LYPD6: variants seen among roughly 807,000 people sequenced by gnomAD.
The protein encoded by LYPD6 is ly6/PLAUR domain-containing protein 6.
In LYPD6, 15 loss-of-function variants were observed where a neutral mutation model predicts 22.7. The ratio of observed to expected loss-of-function variants is 0.66; its 90% CI spans 0.44 to 1.02. The LOEUF (loss-of-function observed/expected upper bound fraction) is 1.02, where lower values mean the gene tolerates loss of function less well. Ranked by LOEUF, LYPD6 falls within the 50% of genes least tolerant of loss-of-function variation. The probability of loss-of-function intolerance (pLI) is 0.00; values close to 1 mark genes in which losing one functional copy is unlikely to be tolerated. For missense variants in LYPD6, 189 were observed against 208.4 expected (o/e 0.91, Z 0.57); for synonymous variants, 72 against 77.5 (o/e 0.93, Z 0.37).
chr2:149,421,855 A>G (rs565296482), intron 1 of LYPD6, among the ~76,000 whole-genome samples: 11 of 152,144 alleles, frequency 7.2e-5, no homozygotes, highest in Non-Finnish European at 1.5e-4. Flanking sequence ...ATAGGAGAAA[A>G]CACTTTTCAA....
intron 3 of LYPD6, among the ~76,000 whole-genome samples, chr2:149,468,404 T>C (rs1253034918): frequency 6.6e-6 from 1 of 152,148 alleles, no homozygotes; most frequent in East Asian, 1.9e-4. Context: ...AACCATTGTG[T>C]CTTGGTTTAT....
intron 1 of LYPD6, among the ~76,000 whole-genome samples, chr2:149,383,767 C>T (rs1328278853): frequency 6.6e-6 from 1 of 152,086 alleles, no homozygotes; most frequent in Non-Finnish European, 1.5e-5. Context: ...GGATGATTTC[C>T]TAGTAACTGA....
chr2:149,462,471 A>C (rs1397948474), intron 3 of LYPD6, among the ~76,000 whole-genome samples: 1 of 151,974 alleles, frequency 6.6e-6, no homozygotes. Context: ...AACATAGTAA[A>C]ATGTCAGTTC....
intron 2 of LYPD6, among the ~76,000 whole-genome samples, chr2:149,443,833 T>G (rs1279875766): frequency 6.6e-6 from 1 of 152,096 alleles, no homozygotes; most frequent in Admixed American, 6.6e-5. Context: ...GTTATGCAAA[T>G]TTTTTGGTCT....
chr2:149,356,667 A>T (rs1276255168), intron 1 of LYPD6, among the ~76,000 whole-genome samples: 1 of 152,160 alleles, frequency 6.6e-6, no homozygotes, highest in African/African-American at 2.4e-5. Context: ...ACTTTTTGGC[A>T]TGCAGGAGGA....
At chr2:149,422,659 T>C (rs1683105897) in intron 1 of LYPD6, among the ~76,000 whole-genome samples, 1 of 152,194 alleles carries the variant, frequency 6.6e-6, no homozygotes, top group Non-Finnish European at 1.5e-5. Flanking sequence ...TGATACACTG[T>C]TATTAACTCT....
chr2:149,366,438 A>T (rs1681667518), intron 1 of LYPD6, among the ~76,000 whole-genome samples: 1 of 152,182 alleles, frequency 6.6e-6, no homozygotes, highest in Non-Finnish European at 1.5e-5. Context: ...AAAGAATGTA[A>T]ATGAGCGAGA....
At chr2:149,435,651 C>A (rs1187356573) in intron 1 of LYPD6, among the ~76,000 whole-genome samples, 1 of 152,236 alleles carries the variant, frequency 6.6e-6, no homozygotes, top group Non-Finnish European at 1.5e-5. Flanking sequence ...GGGAAAGATA[C>A]TGGTGGATAC....
chr2:149,360,335 C>T (rs1681547582), intron 1 of LYPD6, among the ~76,000 whole-genome samples: 2 of 152,124 alleles, frequency 1.3e-5, no homozygotes, highest in Admixed American at 6.6e-5. Flanking sequence ...ACTAAGAATG[C>T]CTTAATCTCC....
chr2:149,480,837 A>G, the LYPD6 span, among the ~76,000 whole-genome samples: 2 of 152,174 alleles, frequency 1.3e-5, no homozygotes, highest in Non-Finnish European at 2.9e-5. Flanking sequence ...GGCAGCCCCT[A>G]CATGCAGTCA....
In LYPD6 at chr2:149,468,986, A is replaced by G. The variant is rs73964449; in HGVS notation, c.348+211A>G. 5.1e-3 allele frequency among the ~76,000 whole-genome samples: 778 copies of G among 152,356 alleles called. 7 individuals are homozygous for G. Among genetic ancestry groups the G allele is most frequent in the African/African-American group, 0.017 (720 of 41,590 alleles). On this transcript the variant is annotated intron_variant, in intron 4 of 4. Transcript: ENST00000334166. The stretch of plus-strand genomic sequence containing the variant: ...AGGACAACTGATATAAATTGTGTAA[A>G]CACACATGAAGAGGGTGTTCAGTGT...
intron 1 of LYPD6, among the ~76,000 whole-genome samples, chr2:149,404,362 T>A (rs1573776979): frequency 6.6e-6 from 1 of 152,234 alleles, no homozygotes; most frequent in African/African-American, 2.4e-5. Flanking sequence ...TTCCTACCCA[T>A]GAGCATGGAA....
intron 1 of LYPD6, among the ~76,000 whole-genome samples, chr2:149,343,342 CT>C (rs1681197388): frequency 1.3e-5 from 2 of 151,994 alleles, no homozygotes; most frequent in East Asian, 3.9e-4. Flanking sequence ...TAAAAAAAAA[CT>C]TTTCGATCCT....
At chr2:149,464,817 T>G (rs775135156) in intron 3 of LYPD6, among the ~76,000 whole-genome samples, 24 of 152,146 alleles carry the variant, frequency 1.6e-4, no homozygotes, top group Non-Finnish European at 3.1e-4. Context: ...ACTTGGAGAC[T>G]CCCAGATTAG....
At chr2:149,470,661 T>A (rs745690128) in intron 4 of LYPD6, 22 bp from the exon 5 acceptor site, 2 of 1,601,334 alleles carry the variant, frequency 1.2e-6, no homozygotes, top group South Asian at 2.2e-5. Context: ...TCTCATTATC[T>A]TTTTTTCTTC....
At chr2:149,403,507 T>C (rs1230760376) in intron 1 of LYPD6, among the ~76,000 whole-genome samples, 2 of 145,838 alleles carry the variant, frequency 1.4e-5, no homozygotes, top group Non-Finnish European at 3.0e-5. Context: ...TTTCATGTGT[T>C]TTTTGGCTGC....
intron 1 of LYPD6, among the ~76,000 whole-genome samples, chr2:149,422,679 G>GAT: frequency 6.6e-6 from 1 of 152,226 alleles, no homozygotes; most frequent in South Asian, 2.1e-4. Context: ...TAGTCACCAT[G>GAT]CTGTACAACA....
At chr2:149,367,868 G>T (rs1681714685) in intron 1 of LYPD6, 1 of 152,178 alleles carries the variant, frequency 6.6e-6, no homozygotes, top group Non-Finnish European at 1.5e-5. Context: ...TGTGTTAGAG[G>T]GAAAGGAATA....
chr2:149,338,436 A>AC (rs1681099874), intron 1 of LYPD6, among the ~76,000 whole-genome samples: 2 of 152,194 alleles, frequency 1.3e-5, no homozygotes, highest in African/African-American at 4.8e-5. Flanking sequence ...ATACCTCCAA[A>AC]ATTATGTGTT....
Sources: gnomAD v4.1 joint callset for allele counts (sites outside exome capture counted in the v4.1 genomes callset) on GRCh38, gnomAD v4.1.1 for gene constraint, MANE v1.5 for transcripts, NCBI Gene and HGNC (gene_info 2026-07-23, HGNC 2026-07-21) for gene names.